CCSER1: variants seen among roughly 807,000 people sequenced by gnomAD.
The protein encoded by CCSER1 is serine-rich coiled-coil domain-containing protein 1.
A neutral mutation model predicts 82.0 loss-of-function variants in CCSER1; 41 were observed. That is an observed-to-expected ratio of 0.50 (90% CI 0.39 to 0.65). The LOEUF is 0.65. Ranked by LOEUF, CCSER1 falls within the 30% of genes least tolerant of loss-of-function variation. The probability of loss-of-function intolerance (pLI) is 0.00; values close to 1 mark genes in which losing one functional copy is unlikely to be tolerated. For missense variants in CCSER1, 1,119 were observed against 1,064.2 expected (o/e 1.05, Z -0.72); for synonymous variants, 414 against 383.9 (o/e 1.08, Z -0.92).
chr4:91,061,784 AG>A (rs147732440), intron 9 of CCSER1, among the ~76,000 whole-genome samples: 3,139 of 152,108 alleles, frequency 0.021, 62 homozygotes, highest in African/African-American at 0.055. Flanking sequence ...CACCTGTGGT[AG>A]GGTAGAGGCT....
chr4:90,632,678 T>C (rs745777593), intron 6 of CCSER1, among the ~76,000 whole-genome samples: 113 of 152,126 alleles, frequency 7.4e-4, no homozygotes, highest in Non-Finnish European at 1.4e-3. Context: ...TCTCAGTGTC[T>C]CTTCCAAGTA....
chr4:91,539,657 T>C (rs1761487963), intron 10 of CCSER1, among the ~76,000 whole-genome samples: 1 of 152,270 alleles, frequency 6.6e-6, no homozygotes, highest in East Asian at 1.9e-4. Context: ...AATTAAATAA[T>C]AGTGTCTGTA....
intron 7 of CCSER1, among the ~76,000 whole-genome samples, chr4:90,731,061 G>C (rs1744627077): frequency 6.6e-6 from 1 of 152,142 alleles, no homozygotes; most frequent in Non-Finnish European, 1.5e-5. Context: ...GGCTCCTATA[G>C]TTGAAAGATT....
intron 7 of CCSER1, among the ~76,000 whole-genome samples, chr4:90,788,732 C>T (rs912784394): frequency 1.3e-5 from 2 of 151,964 alleles, no homozygotes; most frequent in African/African-American, 2.4e-5. Flanking sequence ...GACAGGGGGC[C>T]GGGGAGAAAC....
At chr4:90,877,583 C>G (rs1767368691) in intron 8 of CCSER1, among the ~76,000 whole-genome samples, 1 of 151,680 alleles carries the variant, frequency 6.6e-6, no homozygotes, top group South Asian at 2.1e-4. Flanking sequence ...TAAATGTTGA[C>G]TAAGAAAGAC....
chr4:90,992,740 G>A (rs1737151504), intron 9 of CCSER1, among the ~76,000 whole-genome samples: 1 of 151,846 alleles, frequency 6.6e-6, no homozygotes, highest in Non-Finnish European at 1.5e-5. Flanking sequence ...AGCTCCCAGA[G>A]GCCCCTTGCA....
intron 10 of CCSER1, among the ~76,000 whole-genome samples, chr4:91,298,649 TATC>T (rs1439564197): frequency 3.9e-5 from 6 of 152,006 alleles, no homozygotes; most frequent in African/African-American, 1.2e-4. Context: ...AGAGTAAAAA[TATC>T]ATAGGAAAAA....
chr4:91,203,598 T>A (rs1241127698), intron 10 of CCSER1, among the ~76,000 whole-genome samples: 3 of 151,654 alleles, frequency 2.0e-5, no homozygotes, highest in Non-Finnish European at 4.4e-5. Context: ...TAAACACACA[T>A]GTATACACAC....
At chr4:91,209,765 T>G (rs1020737346) in intron 10 of CCSER1, among the ~76,000 whole-genome samples, 2 of 151,894 alleles carry the variant, frequency 1.3e-5, no homozygotes, top group Non-Finnish European at 2.9e-5. Flanking sequence ...GAGCTCATTA[T>G]TGGTCTGTTC....
intron 4 of CCSER1, among the ~76,000 whole-genome samples, chr4:90,401,226 T>C (rs1414415208): frequency 6.6e-6 from 1 of 152,234 alleles, no homozygotes; most frequent in East Asian, 1.9e-4. Context: ...ATTTTTCCTG[T>C]AGTTGATTTG....
At chr4:90,897,710 C>T (rs760710733) in intron 8 of CCSER1, among the ~76,000 whole-genome samples, 6 of 151,980 alleles carry the variant, frequency 3.9e-5, no homozygotes, top group African/African-American at 1.2e-4. Context: ...TACCATTTTC[C>T]GTAGGAGTTG....
At chr4:91,545,082 G>A (rs1050245724) in intron 10 of CCSER1, among the ~76,000 whole-genome samples, 1 of 152,092 alleles carries the variant, frequency 6.6e-6, no homozygotes, top group Non-Finnish European at 1.5e-5. Flanking sequence ...TCAGACTGCT[G>A]TGCTAACACT....
In CCSER1 at chr4:90,996,213, G is replaced by A. The variant is rs559153027; in HGVS notation, c.2172+72766G>A. On this transcript the variant is annotated intron_variant, in intron 9 of 10. Transcript: ENST00000509176. The stretch of plus-strand genomic sequence containing the variant: ...CCAAATCTTGTTGTAGATGTGTGTC[G>A]TAGAAAGGTAGGCATTAGATATAAA... Among the ~76,000 whole-genome samples, 6 of 152,098 alleles carry A rather than the reference G, an allele frequency of 3.9e-5. No individual in the cohort carries two copies. The East Asian group carries it at 7.7e-4, about 20-fold the overall frequency.
chr4:90,646,231 A>G (rs949630138), intron 6 of CCSER1, among the ~76,000 whole-genome samples: 1 of 152,152 alleles, frequency 6.6e-6, no homozygotes, highest in Non-Finnish European at 1.5e-5. Flanking sequence ...GGGAAAAATA[A>G]TCATACTATA....
intron 5 of CCSER1, among the ~76,000 whole-genome samples, chr4:90,614,457 C>T (rs908652807): frequency 2.6e-5 from 4 of 152,220 alleles, no homozygotes; most frequent in East Asian, 1.9e-4. Context: ...CAAACAGCCA[C>T]GTTGTGGATG....
chr4:91,402,190 G>C (rs1403241753), intron 10 of CCSER1, among the ~76,000 whole-genome samples: 2 of 152,166 alleles, frequency 1.3e-5, no homozygotes, highest in Non-Finnish European at 2.9e-5. Flanking sequence ...CTGCATAAAT[G>C]TCTTCTTTTG....
At chr4:90,494,766 A>G (rs888947005) in intron 5 of CCSER1, among the ~76,000 whole-genome samples, 1 of 152,032 alleles carries the variant, frequency 6.6e-6, no homozygotes, top group South Asian at 2.1e-4. Context: ...TACTAAATCA[A>G]CTCCCTATAC....
At chr4:90,961,454 C>T (rs571641119) in intron 9 of CCSER1, among the ~76,000 whole-genome samples, 3 of 152,044 alleles carry the variant, frequency 2.0e-5, no homozygotes, top group Admixed American at 1.3e-4. Context: ...CATGTCTATA[C>T]CTATATTAAA....
At chr4:91,485,441 G>A (rs1372530598) in intron 10 of CCSER1, among the ~76,000 whole-genome samples, 4 of 152,040 alleles carry the variant, frequency 2.6e-5, no homozygotes, top group Non-Finnish European at 4.4e-5. Context: ...AAACTTCATT[G>A]TTTTTACACT....
Sources: gnomAD v4.1 joint callset for allele counts (sites outside exome capture counted in the v4.1 genomes callset) on GRCh38, gnomAD v4.1.1 for gene constraint, MANE v1.5 for transcripts, NCBI Gene and HGNC (gene_info 2026-07-23, HGNC 2026-07-21) for gene names.